The following TPRG1 variants were observed in gnomAD, a reference collection of about 807,000 sequenced individuals.
TPRG1 encodes the protein tumor protein p63 regulated 1, also known as tumor protein p63-regulated gene 1 protein.
A neutral mutation model predicts 29.3 loss-of-function variants in TPRG1; 29 were observed. That is an observed-to-expected ratio of 0.99 (90% CI 0.74 to 1.35). TPRG1 has a LOEUF of 1.35. Among genes scored for constraint, TPRG1 ranks in the 40% most tolerant of loss-of-function variants. The pLI is 0.00. For missense variants in TPRG1, 327 were observed against 335.0 expected (o/e 0.98, Z 0.19); for synonymous variants, 130 against 116.8 (o/e 1.11, Z -0.73).
At chr3:189,259,815 A>G (rs1476920712) in intron 4 of TPRG1, among the ~76,000 whole-genome samples, 2 of 152,132 alleles carry the variant, frequency 1.3e-5, no homozygotes, top group African/African-American at 4.8e-5. Context: ...AGGAACTGCA[A>G]TTCTGAGTGG....
At chr3:189,183,694 A>G (rs1474198685) in intron 1 of TPRG1, among the ~76,000 whole-genome samples, 1 of 152,088 alleles carries the variant, frequency 6.6e-6, no homozygotes, top group Admixed American at 6.5e-5. Context: ...GAAGAGAAAT[A>G]TGGCTCTGTT....
chr3:189,080,684 G>A (rs1441010644), intron 4 of TPRG1, among the ~76,000 whole-genome samples: 2 of 152,116 alleles, frequency 1.3e-5, no homozygotes, highest in East Asian at 3.9e-4. Flanking sequence ...GCAAGAATGA[G>A]GCATTTGGGA....
chr3:189,212,373 C>G (rs1176972144), intron 2 of TPRG1, among the ~76,000 whole-genome samples: 1 of 152,096 alleles, frequency 6.6e-6, no homozygotes, highest in Non-Finnish European at 1.5e-5. Flanking sequence ...CTTTCATACT[C>G]TCTCTCTTTC....
At chr3:189,114,509 C>T (rs1720941621) in intron 1 of TPRG1, among the ~76,000 whole-genome samples, 1 of 152,156 alleles carries the variant, frequency 6.6e-6, no homozygotes, top group Admixed American at 6.6e-5. Context: ...TCTTGAATTC[C>T]TGACCTCAGG....
intron 1 of TPRG1, among the ~76,000 whole-genome samples, chr3:189,180,300 C>T (rs1011004132): frequency 1.5e-4 from 23 of 152,076 alleles, no homozygotes; most frequent in African/African-American, 2.9e-4. Context: ...CATGCCTTCC[C>T]GACAGTCCCC....
At chr3:189,264,520 A>G (rs1196656129) in intron 4 of TPRG1, among the ~76,000 whole-genome samples, 1 of 148,680 alleles carries the variant, frequency 6.7e-6, no homozygotes, top group Non-Finnish European at 1.5e-5. Flanking sequence ...CCACCTATAC[A>G]GTTCATATTT....
intron 2 of TPRG1, among the ~76,000 whole-genome samples, chr3:189,212,723 C>T (rs1391596889): frequency 6.6e-6 from 1 of 152,166 alleles, no homozygotes; most frequent in Non-Finnish European, 1.5e-5. Flanking sequence ...AAAGTGACTG[C>T]AGTCTGGACA....
chr3:189,063,879 G>A (rs1013863701), intron 4 of TPRG1, among the ~76,000 whole-genome samples: 2 of 152,130 alleles, frequency 1.3e-5, no homozygotes, highest in African/African-American at 4.8e-5. Context: ...GGACTTAGAA[G>A]TCATTATACT....
chr3:189,154,469 T>C (rs945579481), intron 5 of TPRG1, among the ~76,000 whole-genome samples: 1 of 150,080 alleles, frequency 6.7e-6, no homozygotes, highest in African/African-American at 2.5e-5. Flanking sequence ...TGACATGGAG[T>C]CTTGCACTGT....
At chr3:189,092,418 G>T (rs1353798864) in intron 4 of TPRG1, among the ~76,000 whole-genome samples, 3 of 150,288 alleles carry the variant, frequency 2.0e-5, no homozygotes, top group Non-Finnish European at 4.4e-5. Flanking sequence ...CCATTCTGAA[G>T]AATACATTAT....
chr3:189,088,963 T>C (rs1188787750), intron 4 of TPRG1, among the ~76,000 whole-genome samples: 1 of 145,038 alleles, frequency 6.9e-6, no homozygotes, highest in Admixed American at 7.1e-5. Flanking sequence ...TATGTGTATC[T>C]ATTGATATCT....
chr3:189,099,893 T>C (rs1718983603), upstream of TPRG1, among the ~76,000 whole-genome samples: 1 of 152,142 alleles, frequency 6.6e-6, no homozygotes. Context: ...GCTCAGTGGC[T>C]CCCAAAGGAG....
At chr3:189,203,210 G>C (rs1182616662) in intron 1 of TPRG1, among the ~76,000 whole-genome samples, 1 of 152,170 alleles carries the variant, frequency 6.6e-6, no homozygotes, top group African/African-American at 2.4e-5. Context: ...ACCAGGATCT[G>C]GAAATAAGTT....
intron 5 of TPRG1, among the ~76,000 whole-genome samples, chr3:189,160,513 C>T (rs1727328477): frequency 6.6e-6 from 1 of 152,164 alleles, no homozygotes; most frequent in Non-Finnish European, 1.5e-5. Context: ...ATCAGCCTGT[C>T]TCAGTTGTGC....
chr3:189,123,061 CTT>C, intron 1 of TPRG1, among the ~76,000 whole-genome samples: 1 of 152,330 alleles, frequency 6.6e-6, no homozygotes, highest in African/African-American at 2.4e-5. Flanking sequence ...TGCCTTCTCA[CTT>C]CAGTCCAGTG....
At position 189,019,168 on chromosome 3, in the gene TPRG1, C is replaced by T. The variant is rs577319078; in HGVS notation, c.-659-4582C>T. ...GGGTTTTCTAGATATACAATCATGT[C>T]GTCTGCAAACAGGGACAATTTGACT... is the stretch of plus-strand genomic sequence containing the variant. On this transcript the variant is annotated intron_variant, in intron 3 of 10. Coordinates refer to the TPRG1 transcript ENST00000433971. Among the ~76,000 whole-genome samples, 242 of 151,020 alleles carry T rather than the reference C, an allele frequency of 1.6e-3. 3 individuals carry two copies. The East Asian group carries it at 0.033, about 21-fold the overall frequency.
intron 3 of TPRG1, among the ~76,000 whole-genome samples, chr3:189,008,847 A>C (rs1174959979): frequency 6.6e-6 from 1 of 152,164 alleles, no homozygotes; most frequent in Non-Finnish European, 1.5e-5. Flanking sequence ...AGAACACAAT[A>C]AAATATTGTC....
chr3:189,166,942 C>A (rs145461371), intron 5 of TPRG1, among the ~76,000 whole-genome samples: 2 of 152,108 alleles, frequency 1.3e-5, no homozygotes, highest in South Asian at 4.1e-4. Context: ...AGAGGAGTAA[C>A]TTCTTCCCCT....
At chr3:189,004,038 A>G (rs1270650519) in intron 2 of TPRG1, among the ~76,000 whole-genome samples, 1 of 152,128 alleles carries the variant, frequency 6.6e-6, no homozygotes, top group Non-Finnish European at 1.5e-5. Context: ...TTATAAGTGA[A>G]TCCGACAGAG....
Sources: allele counts gnomAD v4.1 joint callset (sites outside exome capture counted in the v4.1 genomes callset), GRCh38; gene constraint gnomAD v4.1.1; transcripts MANE v1.5; gene names NCBI Gene and HGNC (gene_info 2026-07-23, HGNC 2026-07-21).